ADAMTS19: variants seen among roughly 807,000 people sequenced by gnomAD.
The protein encoded by ADAMTS19 is A disintegrin and metalloproteinase with thrombospondin motifs 19.
In ADAMTS19, 93 loss-of-function variants were observed where a neutral mutation model predicts 153.3. The observed-to-expected ratio is 0.61, with a 90% confidence interval of 0.51 to 0.72. The LOEUF (loss-of-function observed/expected upper bound fraction) is 0.72. ADAMTS19 is among the 30% of genes least tolerant of loss of function. The pLI is 0.00. For synonymous variants in ADAMTS19, 600 were observed against 556.6 expected, an observed-to-expected ratio of 1.08 and a Z score of -1.10; for missense variants, 1,482 against 1,552.1, an observed-to-expected ratio of 0.95 and a Z score of 0.76.
At chr5:129,590,631 C>T (rs1485630184) in intron 7 of ADAMTS19, among the ~76,000 whole-genome samples, 1 of 152,102 alleles carries the variant, frequency 6.6e-6, no homozygotes, top group African/African-American at 2.4e-5. Flanking sequence ...ACTGCGCTGA[C>T]ACCAAACTTG....
chr5:129,477,837 G>T (rs1750275332), intron 2 of ADAMTS19, among the ~76,000 whole-genome samples: 1 of 152,128 alleles, frequency 6.6e-6, no homozygotes, highest in South Asian at 2.1e-4. Flanking sequence ...CTCTATACTG[G>T]AACTGCATAA....
intron 7 of ADAMTS19, among the ~76,000 whole-genome samples, chr5:129,567,328 T>TA (rs1279961357): frequency 5.3e-5 from 8 of 152,076 alleles, no homozygotes; most frequent in Non-Finnish European, 7.4e-5. Context: ...ATTTTACATA[T>TA]AAAAACATGA....
intron 7 of ADAMTS19, among the ~76,000 whole-genome samples, chr5:129,580,773 G>T (rs1749474439): frequency 6.6e-6 from 1 of 152,152 alleles, no homozygotes; most frequent in Non-Finnish European, 1.5e-5. Flanking sequence ...TTGTATCCCA[G>T]GGGTGAAGCT....
At chr5:129,661,164 C>T (rs933786206) in intron 15 of ADAMTS19, among the ~76,000 whole-genome samples, 2 of 152,094 alleles carry the variant, frequency 1.3e-5, no homozygotes, top group African/African-American at 4.8e-5. Context: ...GTATCCATAT[C>T]GTTTAGCTCT....
intron 21 of ADAMTS19, among the ~76,000 whole-genome samples, chr5:129,731,133 A>G (rs996312094): frequency 2.6e-5 from 4 of 151,806 alleles, no homozygotes; most frequent in Non-Finnish European, 5.9e-5. Context: ...TAATTTTTGT[A>G]TTTTTAGTAG....
At chr5:129,531,908 C>A (rs1319236622) in intron 6 of ADAMTS19, among the ~76,000 whole-genome samples, 1 of 152,166 alleles carries the variant, frequency 6.6e-6, no homozygotes, top group African/African-American at 2.4e-5. Context: ...TAAAAATAAT[C>A]TATTCAGCAG....
intron 21 of ADAMTS19, among the ~76,000 whole-genome samples, chr5:129,707,038 T>G (rs569257066): frequency 6.6e-6 from 1 of 152,190 alleles, no homozygotes; most frequent in South Asian, 2.1e-4. Context: ...ACAAATACAG[T>G]TGACCCCTTA....
At chr5:129,510,136 T>G (rs1751391931) in intron 3 of ADAMTS19, among the ~76,000 whole-genome samples, 1 of 151,884 alleles carries the variant, frequency 6.6e-6, no homozygotes, top group African/African-American at 2.4e-5. Flanking sequence ...AAAATTTGAC[T>G]TGCAGATTTT....
In ADAMTS19 at chr5:129,578,043, C is replaced by CACACAT. The variant is rs775933620; in HGVS notation, c.1373-18511_1373-18510insTACACA. ...ATTTATTGATTTTCAAACTTACATA[C>CACACAT]ACACACACACACACACACACACACA... On this transcript the variant is annotated intron_variant, in intron 7 of 22. Coordinates refer to ENST00000274487, the MANE Select transcript of ADAMTS19 (RefSeq NM_133638.6). Among the ~76,000 whole-genome samples the CACACAT allele has an allele frequency of 1.9e-4, 13 of 69,276 alleles. No homozygotes were observed. The East Asian group carries it at 5.0e-3, about 27-fold the overall frequency. The allele number at this position is 69,276 out of a possible 152,430, so 45.4% of individuals were successfully genotyped here. A position where few individuals can be genotyped will look rare whatever the true frequency, so the allele number is the denominator to read the frequency against.
At chr5:129,608,116 G>GTGTGTGTGTGTGTGTATATATATATATA (rs377008786) in intron 8 of ADAMTS19, among the ~76,000 whole-genome samples, 1 of 47,928 alleles carries the variant, frequency 2.1e-5, no homozygotes, top group Non-Finnish European at 5.0e-5. Context: ...GTGTGTGTGT[G>GTGTGTGTGTGTGTGTATATATATATATA]TATATATATA....
intron 10 of ADAMTS19, among the ~76,000 whole-genome samples, chr5:129,634,106 C>T (rs1242693121): frequency 6.6e-6 from 1 of 152,126 alleles, no homozygotes. Flanking sequence ...GTTAAAGCTG[C>T]AAAGATGATG....
At position 129,729,864 on chromosome 5, in the gene ADAMTS19, TAA is replaced by T. The variant is rs145666965; in HGVS notation, c.3313-5065_3313-5064del. 2.4e-3 allele frequency among the ~76,000 whole-genome samples: 372 copies of T among 152,220 alleles called. 1 individual carries two copies. Among genetic ancestry groups the T allele is most frequent in the Non-Finnish European group, 4.3e-3 (289 of 67,946 alleles). On this transcript the variant is annotated intron_variant, in intron 21 of 22. Transcript: ENST00000274487. ...TTGGAGTTGATTATGTAAGATTGAC[TAA>T]AAGTGTCAGGAATAGTCTGTGACTA...
chr5:129,679,100 G>GA (rs201093373), intron 16 of ADAMTS19, among the ~76,000 whole-genome samples: 12 of 151,984 alleles, frequency 7.9e-5, no homozygotes, highest in African/African-American at 2.4e-4. Context: ...AGCTCAAAAA[G>GA]AAAAAAAATT....
intron 7 of ADAMTS19, among the ~76,000 whole-genome samples, chr5:129,582,529 G>A (rs542276586): frequency 1.3e-5 from 2 of 151,818 alleles, no homozygotes; most frequent in African/African-American, 4.8e-5. Context: ...ATACTGATAA[G>A]TGTTGACTAT....
Position 129,737,285 on chromosome 5 carries a change from T to A in ADAMTS19, c.*67T>A. 7.4e-7 allele frequency: 1 copy of A among 1,353,024 alleles called. No individual in the cohort carries two copies. Among genetic ancestry groups the A allele is most frequent in the Non-Finnish European group, 9.8e-7 (1 of 1,020,866 alleles). 83.8% of individuals were successfully genotyped at this position (1,353,024 alleles called of 1,614,324 possible). On this transcript the variant is annotated 3_prime_UTR_variant, in exon 23 of 23. Coordinates refer to ENST00000274487, the MANE Select transcript of ADAMTS19 (RefSeq NM_133638.6). ...TTATTTATAAACACACACACTAGCATGTTTTTCAGACCAAATATTATCAGA... is the reference window on the plus strand; with the variant it reads ...TTATTTATAAACACACACACTAGCAAGTTTTTCAGACCAAATATTATCAGA...
intron 16 of ADAMTS19, among the ~76,000 whole-genome samples, chr5:129,672,916 G>A (rs560357736): frequency 4.3e-4 from 66 of 151,816 alleles, no homozygotes; most frequent in African/African-American, 1.6e-3. Context: ...TTCTTTTTGT[G>A]TCAATTTTGG....
chr5:129,686,902 G>T lies in ADAMTS19; in HGVS notation c.2818+2629G>T, dbSNP rs150857241. Among the ~76,000 whole-genome samples, 22 of 152,144 alleles carry T rather than the reference G, an allele frequency of 1.4e-4. No homozygotes were observed. In the East Asian group the frequency reaches 4.1e-3, roughly 28 times the overall value. ...CCCTTGCCACAAGAAATTTTCAGTG[G>T]CCATGTTTCTCTTCCTGGGCCCTAA... On this transcript the variant is annotated intron_variant, in intron 18 of 22. Coordinates refer to ENST00000274487, the MANE Select transcript of ADAMTS19 (RefSeq NM_133638.6).
At chr5:129,544,583 G>A (rs769836717) in intron 6 of ADAMTS19, among the ~76,000 whole-genome samples, 5 of 152,056 alleles carry the variant, frequency 3.3e-5, no homozygotes, top group Admixed American at 2.6e-4. Context: ...TACAATAAGC[G>A]CACTTTCACT....
At chr5:129,735,186 T>C in intron 22 of ADAMTS19, 77 bp downstream of exon 22, 1 of 1,316,916 alleles carries the variant, frequency 7.6e-7, no homozygotes, top group Non-Finnish European at 1.0e-6. Context: ...TATATTACTT[T>C]AAACCTTGAT....
Sources: allele counts gnomAD v4.1 joint callset (sites outside exome capture counted in the v4.1 genomes callset), GRCh38; gene constraint gnomAD v4.1.1; transcripts MANE v1.5; gene names NCBI Gene and HGNC (gene_info 2026-07-23, HGNC 2026-07-21).